Variants in MGAT4C observed in about 807,000 individuals in gnomAD.
MGAT4C encodes MGAT4 family member C, also known as alpha-1,3-mannosyl-glycoprotein 4-beta-N-acetylglucosaminyltransferase C.
Under a neutral mutation model 40.1 loss-of-function variants are expected in MGAT4C, and 19 were observed. That is an observed-to-expected ratio of 0.47 (90% CI 0.33 to 0.70). The LOEUF (loss-of-function observed/expected upper bound fraction) is 0.70. MGAT4C is among the 30% of genes least tolerant of loss of function. MGAT4C has a pLI of 0.02. For synonymous variants in MGAT4C, 181 were observed against 187.1 expected, an observed-to-expected ratio of 0.97 and a Z score of 0.27; for missense variants, 491 against 563.2, an observed-to-expected ratio of 0.87 and a Z score of 1.30.
chr12:86,217,486 GTGAC>G (rs1950718278), intron 1 of MGAT4C, among the ~76,000 whole-genome samples: 1 of 152,082 alleles, frequency 6.6e-6, no homozygotes, highest in Non-Finnish European at 1.5e-5. Flanking sequence ...AAAGATGTCT[GTGAC>G]TGTTTGTAAA....
intron 4 of MGAT4C, among the ~76,000 whole-genome samples, chr12:86,281,951 C>T (rs1953229058): frequency 6.6e-6 from 1 of 151,992 alleles, no homozygotes; most frequent in Non-Finnish European, 1.5e-5. Flanking sequence ...AAGTATGAGA[C>T]CACAGTCAAT....
chr12:86,595,595 C>A (rs1474374125), intron 2 of MGAT4C, among the ~76,000 whole-genome samples: 2 of 151,716 alleles, frequency 1.3e-5, no homozygotes, highest in East Asian at 3.9e-4. Context: ...CATTCTTTGA[C>A]CAAACATCAG....
intron 2 of MGAT4C, among the ~76,000 whole-genome samples, chr12:86,474,854 G>C (rs941783107): frequency 6.6e-6 from 1 of 150,662 alleles, no homozygotes; most frequent in African/African-American, 2.4e-5. Context: ...GTTTCTTCCT[G>C]CATTGTACAA....
At position 86,108,516 on chromosome 12, in the gene MGAT4C, C is replaced by T. The variant is rs575273344; in HGVS notation, c.-56-58793G>A. 2.0e-5 allele frequency among the ~76,000 whole-genome samples: 3 copies of T among 152,026 alleles called. No homozygotes were observed. The South Asian group carries it at 6.2e-4, about 32-fold the overall frequency. ...AGCTTACAAAGGCTGACTAATTGAC[C>T]CTCTGTTCTGCCAGCCATAATTACA... On this transcript the variant is annotated intron_variant, in intron 1 of 4. Transcript: ENST00000611864.
chr12:86,739,184 A>G (rs531042001), intron 1 of MGAT4C, among the ~76,000 whole-genome samples: 187 of 149,650 alleles, frequency 1.2e-3, no homozygotes, highest in African/African-American at 4.3e-3. Flanking sequence ...AATTGAGACA[A>G]AAGCTTTTTG....
chr12:86,446,317 C>T (rs899240152), intron 2 of MGAT4C, among the ~76,000 whole-genome samples: 2 of 151,732 alleles, frequency 1.3e-5, no homozygotes, highest in Admixed American at 6.6e-5. Flanking sequence ...TTACTCATCC[C>T]AGGAAAGCTG....
In MGAT4C at chr12:86,698,161, C is replaced by T. The variant is rs1950292756; in HGVS notation, c.-229+29048G>A. ...CTTGCAACACATATGACAAGAGACT[C>T]AATACTTTAAATGAGGATAAGCTGC... On this transcript the variant is annotated intron_variant, in intron 2 of 7. Transcript: ENST00000548651. Among the ~76,000 whole-genome samples, 3 of 150,972 alleles carry T rather than the reference C, an allele frequency of 2.0e-5. No homozygotes were observed. In the South Asian group the frequency reaches 6.3e-4, roughly 32 times the overall value.
intron 2 of MGAT4C, among the ~76,000 whole-genome samples, chr12:85,997,868 G>C (rs1886804619): frequency 6.6e-6 from 1 of 152,142 alleles, no homozygotes; most frequent in Non-Finnish European, 1.5e-5. Context: ...TACCATTCTG[G>C]GGTCTGGAGG....
At chr12:86,408,479 C>CTCTCTATATATATA (rs1267344319) in intron 3 of MGAT4C, among the ~76,000 whole-genome samples, 8 of 63,336 alleles carry the variant, frequency 1.3e-4, no homozygotes, top group African/African-American at 4.7e-4. Flanking sequence ...CTCTCTCTCT[C>CTCTCTATATATATA]TATATATATA....
intron 2 of MGAT4C, among the ~76,000 whole-genome samples, chr12:86,642,643 G>C (rs1394073001): frequency 6.6e-6 from 1 of 151,696 alleles, no homozygotes; most frequent in Non-Finnish European, 1.5e-5. Flanking sequence ...CTAAAAATTT[G>C]ACATTAGAGA....
At chr12:86,179,007 C>T (rs839100) in intron 1 of MGAT4C, among the ~76,000 whole-genome samples, 135,746 of 152,208 alleles carry the variant, frequency 0.89, 60,741 homozygotes, top group East Asian at 1. Flanking sequence ...TTTCAGATTA[C>T]ACCTGAATAT....
intron 1 of MGAT4C, among the ~76,000 whole-genome samples, chr12:86,768,802 A>T (rs1005918393): frequency 7.2e-5 from 11 of 152,066 alleles, no homozygotes; most frequent in Non-Finnish European, 1.3e-4. Flanking sequence ...TGCTGGGAAA[A>T]CTGGCTAGCC....
rs528146288 is a variant in MGAT4C, at chr12:86,825,482, A to T, written c.-262+13184T>A. The stretch of plus-strand genomic sequence containing the variant: ...GAAACAAGTATATATTTAGGCCAAA[A>T]CTATTAACTGAGACAAATCAGAGAT... On this transcript the variant is annotated intron_variant, in intron 1 of 7. Coordinates refer to the MGAT4C transcript ENST00000548651. Among the ~76,000 whole-genome samples, 3 of 151,482 alleles carry T rather than the reference A, an allele frequency of 2.0e-5. No individual in the cohort carries two copies. The East Asian group carries it at 5.9e-4, about 30-fold the overall frequency.
intron 2 of MGAT4C, among the ~76,000 whole-genome samples, chr12:86,456,693 CA>C (rs1291866534): frequency 6.6e-6 from 1 of 151,978 alleles, no homozygotes; most frequent in Non-Finnish European, 1.5e-5. Context: ...ACCCTTTTAG[CA>C]AAGAAAGCCT....
intron 2 of MGAT4C, among the ~76,000 whole-genome samples, chr12:86,580,974 G>C (rs1486097571): frequency 6.6e-6 from 1 of 151,416 alleles, no homozygotes; most frequent in African/African-American, 2.4e-5. Flanking sequence ...ATATTGAAAA[G>C]AATTAAAAGC....
chr12:86,388,887 T>C (rs1193067212), intron 3 of MGAT4C, among the ~76,000 whole-genome samples: 2 of 152,060 alleles, frequency 1.3e-5, no homozygotes, highest in Non-Finnish European at 2.9e-5. Context: ...TTTCACCATG[T>C]TGGCCAGGCT....
chr12:86,072,014 A>G (rs1868581281), intron 1 of MGAT4C, among the ~76,000 whole-genome samples: 2 of 126,036 alleles, frequency 1.6e-5, no homozygotes, highest in Non-Finnish European at 3.2e-5. Context: ...GTAGCAGTTA[A>G]TGCATAGGGT....
intron 2 of MGAT4C, among the ~76,000 whole-genome samples, chr12:86,626,761 C>G (rs751183263): frequency 7.9e-5 from 12 of 152,164 alleles, no homozygotes; most frequent in Non-Finnish European, 1.8e-4. Flanking sequence ...TCCAAGGTGG[C>G]AGAATAGGAA....
chr12:86,334,514 T>C (rs1387897441), intron 3 of MGAT4C, among the ~76,000 whole-genome samples: 1 of 152,160 alleles, frequency 6.6e-6, no homozygotes, highest in Non-Finnish European at 1.5e-5. Context: ...AGCTAAATTA[T>C]CTGTTGTCCT....
Sources: gnomAD v4.1 joint callset for allele counts (sites outside exome capture counted in the v4.1 genomes callset) on GRCh38, gnomAD v4.1.1 for gene constraint, MANE v1.5 for transcripts, NCBI Gene and HGNC (gene_info 2026-07-23, HGNC 2026-07-21) for gene names.